XKR4: variants seen among roughly 807,000 people sequenced by gnomAD.
The protein encoded by XKR4 is XK related 4.
A neutral mutation model predicts 53.9 loss-of-function variants in XKR4; 12 were observed. That is an observed-to-expected ratio of 0.22 (90% CI 0.14 to 0.36). XKR4 has a LOEUF of 0.36. XKR4 is among the 10% of genes least tolerant of loss of function. The pLI, the probability that XKR4 is intolerant of heterozygous loss-of-function variation, is 1.00. For synonymous variants in XKR4, 354 were observed against 362.4 expected (o/e 0.98, Z 0.26); for missense variants, 799 against 859.5 (o/e 0.93, Z 0.88).
chr8:55,387,980 G>C (rs1804349358), intron 2 of XKR4, among the ~76,000 whole-genome samples: 1 of 152,192 alleles, frequency 6.6e-6, no homozygotes, highest in Non-Finnish European at 1.5e-5. Flanking sequence ...AGATTTTCTT[G>C]AATAGATGCT....
chr8:55,323,153 A>G (rs1332952715), intron 1 of XKR4, among the ~76,000 whole-genome samples: 1 of 152,216 alleles, frequency 6.6e-6, no homozygotes, highest in Non-Finnish European at 1.5e-5. Flanking sequence ...TATTGAGATG[A>G]GTATATAATT....
chr8:55,103,059 G>T lies in XKR4; in HGVS notation c.571G>T (p.Asp191Tyr). Residue 191 changes from aspartate to tyrosine, a missense_variant, in exon 1 of 3, where the codon GAT becomes TAT. Asp to Tyr is a radical substitution (Grantham distance 160). This residue lies in a region of XKR4 where 476 missense variants were observed against 505.4 expected (regional missense o/e 0.94). Coordinates refer to ENST00000327381, the MANE Select transcript of XKR4 (RefSeq NM_052898.2). ...AASSCPQPGA[D>Y]CKTVVGGGSA... is the part of the protein sequence containing the mutation. ...CTCCAGCTGCCCGCAGCCTGGAGCC[G>T]ATTGCAAGACGGTGGTCGGCGGTGG... 6.2e-7 allele frequency: 1 copy of T among 1,612,908 alleles called. No individual in the cohort carries two copies. Among genetic ancestry groups the T allele is most frequent in the Non-Finnish European group, 8.5e-7 (1 of 1,179,748 alleles).
At chr8:55,170,796 T>TG (rs1817146509) in intron 1 of XKR4, among the ~76,000 whole-genome samples, 29 of 152,160 alleles carry the variant, frequency 1.9e-4, no homozygotes, top group Non-Finnish European at 3.2e-4. Context: ...ACAGTTTGAG[T>TG]TTCTGGGATA....
intron 2 of XKR4, chr8:55,451,157 G>T: frequency 1.9e-6 from 1 of 528,766 alleles, no homozygotes; most frequent in Admixed American, 3.4e-5. Flanking sequence ...AGCCCGGGTC[G>T]GGGGCCGGGG....
At position 55,336,055 on chromosome 8, in the gene XKR4, A is replaced by AG. The variant is rs1402280976; in HGVS notation, c.807-21623_807-21622insG. ...CAACTCTATACCAAAAAAAAAAAAAAAAAAGAAAAGAAAAACAGAGTACTT... is the reference window on the plus strand; with the variant it reads ...CAACTCTATACCAAAAAAAAAAAAAAGAAAAGAAAAGAAAAACAGAGTACTT... On this transcript the variant is annotated intron_variant, in intron 1 of 2. Transcript: ENST00000327381. 5.8e-4 allele frequency among the ~76,000 whole-genome samples: 88 copies of AG among 151,590 alleles called. No individual in the cohort carries two copies. In the Middle Eastern group the frequency reaches 0.01, roughly 18 times the overall value.
At chr8:55,103,851 G>GTATATATATATA (rs60831330) in intron 1 of XKR4, among the ~76,000 whole-genome samples, 4 of 106,018 alleles carry the variant, frequency 3.8e-5, no homozygotes, top group African/African-American at 1.0e-4. Context: ...AAATGACTTT[G>GTATATATATATA]TATATATATA....
chr8:55,125,750 G>A (rs965328695), intron 1 of XKR4, among the ~76,000 whole-genome samples: 1 of 151,488 alleles, frequency 6.6e-6, no homozygotes, highest in African/African-American at 2.4e-5. Flanking sequence ...AATGAGCAAA[G>A]AATATGCAAA....
chr8:55,186,744 T>A (rs941696786), intron 1 of XKR4, among the ~76,000 whole-genome samples: 6 of 152,212 alleles, frequency 3.9e-5, no homozygotes, highest in Non-Finnish European at 7.3e-5. Flanking sequence ...ATATAGAATA[T>A]ATACTTTTTT....
chr8:55,284,603 A>G (rs1002617206), intron 1 of XKR4, among the ~76,000 whole-genome samples: 2 of 152,178 alleles, frequency 1.3e-5, no homozygotes, highest in African/African-American at 4.8e-5. Flanking sequence ...GGCTTTCTCC[A>G]GAACAGGTGA....
chr8:55,518,555 T>C (rs1270654875), intron 2 of XKR4, among the ~76,000 whole-genome samples: 1 of 152,346 alleles, frequency 6.6e-6, no homozygotes, highest in South Asian at 2.1e-4. Flanking sequence ...GTGGGATCCA[T>C]GCTCTTAAGG....
At chr8:55,118,598 A>G (rs137958413) in intron 1 of XKR4, among the ~76,000 whole-genome samples, 86 of 152,350 alleles carry the variant, frequency 5.6e-4, no homozygotes, top group African/African-American at 1.9e-3. Flanking sequence ...TTTCAGTATC[A>G]GATACAGCTA....
intron 1 of XKR4, among the ~76,000 whole-genome samples, chr8:55,248,693 T>C (rs1395375311): frequency 6.6e-6 from 1 of 152,224 alleles, no homozygotes; most frequent in East Asian, 1.9e-4. Context: ...AATATTCTTA[T>C]ATAAGCAGAT....
chr8:55,117,195 C>G (rs1005145441), intron 1 of XKR4, among the ~76,000 whole-genome samples: 1 of 151,920 alleles, frequency 6.6e-6, no homozygotes, highest in Non-Finnish European at 1.5e-5. Flanking sequence ...CATTGCTGAG[C>G]TAGATGATGT....
chr8:55,312,585 A>C (rs918962894), intron 1 of XKR4, among the ~76,000 whole-genome samples: 1 of 152,198 alleles, frequency 6.6e-6, no homozygotes, highest in Non-Finnish European at 1.5e-5. Flanking sequence ...TTAGGGAATG[A>C]TCATTGGAAT....
chr8:55,507,117 G>A (rs1427860746), intron 2 of XKR4, among the ~76,000 whole-genome samples: 1 of 152,092 alleles, frequency 6.6e-6, no homozygotes, highest in Non-Finnish European at 1.5e-5. Flanking sequence ...ATTGGCCTCA[G>A]AATGATCACA....
intron 1 of XKR4, among the ~76,000 whole-genome samples, chr8:55,108,684 T>C (rs1816188782): frequency 6.6e-6 from 1 of 152,174 alleles, no homozygotes; most frequent in Admixed American, 6.5e-5. Context: ...ATACAGTGGT[T>C]TTTACCTTAT....
intron 1 of XKR4, among the ~76,000 whole-genome samples, chr8:55,341,372 T>A (rs1418217514): frequency 6.6e-6 from 1 of 152,116 alleles, no homozygotes; most frequent in South Asian, 2.1e-4. Flanking sequence ...TCCCAGGGCA[T>A]TGGCTCTCCA....
At chr8:55,206,140 C>A (rs1351244316) in intron 1 of XKR4, among the ~76,000 whole-genome samples, 2 of 152,230 alleles carry the variant, frequency 1.3e-5, no homozygotes, top group Non-Finnish European at 1.5e-5. Context: ...AAAGCGTGAG[C>A]AGCAGCAAGA....
At chr8:55,111,798 A>T (rs1477639913) in intron 1 of XKR4, among the ~76,000 whole-genome samples, 1 of 152,182 alleles carries the variant, frequency 6.6e-6, no homozygotes, top group African/African-American at 2.4e-5. Context: ...TGAAAGAACT[A>T]TCCATTATGT....
Sources: allele counts gnomAD v4.1 joint callset (sites outside exome capture counted in the v4.1 genomes callset), GRCh38; gene constraint gnomAD v4.1.1; regional missense constraint gnomAD v4.1.1; transcripts MANE v1.5; gene names NCBI Gene and HGNC (gene_info 2026-07-23, HGNC 2026-07-21).